Variants in PSMG2 observed in about 807,000 individuals in gnomAD.
The protein encoded by PSMG2 is CD40 ligand-activated specific transcript 3.
Under a neutral mutation model 31.5 loss-of-function variants are expected in PSMG2, and 21 were observed. That is an observed-to-expected ratio of 0.67 (90% CI 0.47 to 0.96). The LOEUF (loss-of-function observed/expected upper bound fraction) is 0.96, where lower values mean the gene tolerates loss of function less well. Ranked by LOEUF, PSMG2 falls within the 40% of genes least tolerant of loss-of-function variation. The pLI is 0.00. For synonymous variants in PSMG2, 120 were observed against 110.4 expected, an observed-to-expected ratio of 1.09 and a Z score of -0.54; for missense variants, 318 against 321.2, an observed-to-expected ratio of 0.99 and a Z score of 0.08.
intron 1 of PSMG2, among the ~76,000 whole-genome samples, chr18:12,664,010 C>CA: frequency 6.6e-6 from 1 of 152,090 alleles, no homozygotes; most frequent in South Asian, 2.1e-4. Context: ...ACTAAAAATA[C>CA]AAAATTAGCT....
At chr18:12,677,579 G>A (rs936564170) in intron 1 of PSMG2, among the ~76,000 whole-genome samples, 5 of 151,884 alleles carry the variant, frequency 3.3e-5, no homozygotes, top group Non-Finnish European at 5.9e-5. Context: ...AACCAACCTG[G>A]GGAGAAAAAT....
intron 1 of PSMG2, among the ~76,000 whole-genome samples, chr18:12,674,290 A>G (rs907072180): frequency 5.3e-5 from 8 of 151,988 alleles, no homozygotes; most frequent in African/African-American, 1.9e-4. Context: ...AAAGATAAAA[A>G]AAATAGCCAG....
chr18:12,677,458 CAAAAAAAAAAAAAAAA>C (rs71174127), intron 1 of PSMG2, among the ~76,000 whole-genome samples: 7 of 53,948 alleles, frequency 1.3e-4, no homozygotes, highest in African/African-American at 5.8e-4. Context: ...GATTCCATCT[CAAAAAAAAAAAAAAAA>C]AAAAAAAAAA....
intron 1 of PSMG2, among the ~76,000 whole-genome samples, chr18:12,664,544 C>G (rs543290114): frequency 6.6e-6 from 1 of 151,270 alleles, no homozygotes; most frequent in African/African-American, 2.4e-5. Context: ...AGCGAGACTC[C>G]GTCTCAAAAA....
chr18:12,718,572 G>A lies in PSMG2; in HGVS notation c.344G>A (p.Cys115Tyr), dbSNP rs766640104. 1 of 1,612,500 alleles carries A rather than the reference G, an allele frequency of 6.2e-7. No homozygotes were observed. The highest frequency in any genetic ancestry group is 8.5e-7 in the Non-Finnish European group (1 of 1,178,966). ...KLLSWVKSSG[C>Y]ARVIVLSSSH... ...CTTTCCTGGGTGAAAAGCAGTGGCTGTGCCAGAGTCATTGTTCTTTCAAGC... is the reference window on the plus strand; with the variant it reads ...CTTTCCTGGGTGAAAAGCAGTGGCTATGCCAGAGTCATTGTTCTTTCAAGC... Residue 115 changes from cysteine to tyrosine, a missense_variant, in exon 4 of 7, where the codon TGT (cysteine) becomes TAT (tyrosine). Cys to Tyr is a radical substitution (Grantham distance 194). Transcript: ENST00000317615.
intron 5 of PSMG2, among the ~76,000 whole-genome samples, chr18:12,721,359 CT>C (rs1192554492): frequency 2.0e-5 from 3 of 151,882 alleles, no homozygotes; most frequent in African/African-American, 7.3e-5. Context: ...TACACGCGCA[CT>C]TTTTTTTAAT....
intron 1 of PSMG2, among the ~76,000 whole-genome samples, chr18:12,675,853 G>A (rs1744108931): frequency 6.6e-6 from 1 of 151,832 alleles, no homozygotes; most frequent in African/African-American, 2.4e-5. Flanking sequence ...ATTTTTAGTA[G>A]AGACGGGCTT....
rs187342507 is a variant in PSMG2, at chr18:12,684,114, T to C, written c.-36-22436T>C. ...ATCTCAGCTCACTGCAACCTCCACC[T>C]CATGGGTTCAAGTGATTCTCCTTTT... On this transcript the variant is annotated intron_variant, in intron 1 of 6. Transcript: ENST00000585331. Among the ~76,000 whole-genome samples the C allele has an allele frequency of 1.8e-3, 271 of 151,840 alleles. 2 individuals carry two copies. The highest frequency in any genetic ancestry group is 0.011 in the South Asian group (53 of 4,794).
At chr18:12,701,069 T>A, upstream of PSMG2, 1 of 1,613,674 alleles carries the variant, frequency 6.2e-7, no homozygotes, top group Non-Finnish European at 8.5e-7. Flanking sequence ...ATTCTTCCCG[T>A]ATAGTCTCAG....
chr18:12,666,603 T>G lies in PSMG2; in HGVS notation c.-37+7830T>G, dbSNP rs1337024990. Among the ~76,000 whole-genome samples, 14 of 152,016 alleles carry G rather than the reference T, an allele frequency of 9.2e-5. No homozygotes were observed. In the East Asian group the frequency reaches 1.7e-3, roughly 19 times the overall value. On this transcript the variant is annotated intron_variant, in intron 1 of 6. Coordinates refer to the PSMG2 transcript ENST00000585331. ...TACAGGTGCACGCACCATGCCTGGT[T>G]GTTGTTGTTTTTGTTTTTGTATTTT...
chr18:12,695,253 C>A, intron 1 of PSMG2: 1 of 1,376,272 alleles, frequency 7.3e-7, no homozygotes, highest in African/African-American at 1.4e-5. Context: ...TAAGTATTTA[C>A]CTGTGTGTTC....
intron 1 of PSMG2, chr18:12,695,441 G>C: frequency 2.0e-6 from 1 of 508,022 alleles, no homozygotes; most frequent in Non-Finnish European, 3.5e-6. Flanking sequence ...TAGGCACTTG[G>C]GTGTTTTATC....
At chr18:12,702,726 G>A (rs1409666852), upstream of PSMG2, 2 of 660,514 alleles carry the variant, frequency 3.0e-6, no homozygotes, top group African/African-American at 1.9e-5. Context: ...CTGGAAATGA[G>A]GCCCCGGCGG....
intron 1 of PSMG2, among the ~76,000 whole-genome samples, chr18:12,688,921 T>C (rs1172975618): frequency 2.0e-5 from 3 of 152,076 alleles, no homozygotes; most frequent in African/African-American, 7.2e-5. Context: ...GAGACCATCC[T>C]GGCTAACACA....
At chr18:12,671,638 C>CTT (rs955356870) in intron 1 of PSMG2, among the ~76,000 whole-genome samples, 20 of 82,938 alleles carry the variant, frequency 2.4e-4, no homozygotes, top group Non-Finnish European at 2.7e-4. Context: ...AGGTTTCACA[C>CTT]TTTCTTTTTT....
At chr18:12,668,308 G>C (rs1383292999) in intron 1 of PSMG2, among the ~76,000 whole-genome samples, 1 of 151,590 alleles carries the variant, frequency 6.6e-6, no homozygotes, top group African/African-American at 2.4e-5. Context: ...AAAGTGGATG[G>C]AGGCTGGGTG....
intron 1 of PSMG2, chr18:12,695,210 A>G: frequency 1.2e-6 from 1 of 861,034 alleles, no homozygotes; most frequent in South Asian, 1.9e-5. Flanking sequence ...ATATACTACT[A>G]TGAAAACAAA....
chr18:12,688,385 G>T (rs1189370931), intron 1 of PSMG2, among the ~76,000 whole-genome samples: 1 of 152,094 alleles, frequency 6.6e-6, no homozygotes, highest in Non-Finnish European at 1.5e-5. Context: ...AAAGAATAAT[G>T]AATTTTTAAG....
At chr18:12,704,369 T>C (rs1453356870) in intron 1 of PSMG2, among the ~76,000 whole-genome samples, 2 of 152,136 alleles carry the variant, frequency 1.3e-5, no homozygotes, top group African/African-American at 4.8e-5. Flanking sequence ...GGAGGATCGC[T>C]TGAGCTCAGG....
Sources: allele counts gnomAD v4.1 joint callset (sites outside exome capture counted in the v4.1 genomes callset), GRCh38; gene constraint gnomAD v4.1.1; transcripts MANE v1.5; gene names NCBI Gene and HGNC (gene_info 2026-07-23, HGNC 2026-07-21).